The following FBXL12 variants were observed in gnomAD, a reference collection of about 807,000 sequenced individuals.
FBXL12 encodes F-box/LRR-repeat protein 12.
In FBXL12, 22 loss-of-function variants were observed where a neutral mutation model predicts 24.9. The ratio of observed to expected loss-of-function variants is 0.88; its 90% confidence interval spans 0.63 to 1.26. The LOEUF (loss-of-function observed/expected upper bound fraction) is 1.26, where lower values mean the gene tolerates loss of function less well. Among genes scored for constraint, FBXL12 ranks in the 50% most tolerant of loss-of-function variants. The probability of loss-of-function intolerance (pLI) is 0.00; values close to 1 mark genes in which losing one functional copy is unlikely to be tolerated. For missense variants in FBXL12, 384 were observed against 434.1 expected (o/e 0.88, Z 1.03); for synonymous variants, 193 against 193.8 (o/e 1.00, Z 0.03).
Position 9,818,753 on chromosome 19 carries a change from C to G in FBXL12, c.61G>C (p.Val21Leu). The G allele has an allele frequency of 6.4e-7, 1 of 1,552,656 alleles. No individual in the cohort carries two copies. Among genetic ancestry groups the G allele is most frequent in the South Asian group, 1.2e-5 (1 of 84,446 alleles). ...CTGGAGATGCGGATCCGGTCCCGTA[C>G]CGGGAGGTAAGAGAAGATCTCGAGC... The part of the protein sequence containing the change: ...VLLEIFSYLP[V>L]RDRIRISRVC... The change falls in exon 1 of 3, where the codon GTA becomes CTA. Residue 21 changes from valine to leucine, a missense_variant. By Grantham distance (32) the Val-to-Leu change is conservative. Transcript: ENST00000247977.
intron 2 of FBXL12, among the ~76,000 whole-genome samples, chr19:9,812,703 A>T (rs1232587526): frequency 4.6e-5 from 7 of 151,438 alleles, no homozygotes; most frequent in Admixed American, 3.3e-4. Context: ...AGAAATAAGC[A>T]ACACAGAATA....
At position 9,811,399 on chromosome 19, in the gene FBXL12, G is replaced by A. The variant is rs754055333; in HGVS notation, c.478C>T (p.Arg160Cys). ...TGCTCGTCACGGAAGGCGGGGACGCGGTCCAGCACGATGCATTCAAGCAGG... is the reference window on the plus strand; with the variant it reads ...TGCTCGTCACGGAAGGCGGGGACGCAGTCCAGCACGATGCATTCAAGCAGG... ...LPLLECIVLD[R>C]VPAFRDEHLQ... is the part of the protein sequence containing the mutation. Residue 160 changes from arginine (R) to cysteine (C), a missense_variant, in exon 3 of 3, where the codon CGC becomes TGC. Coordinates refer to ENST00000247977, the MANE Select transcript of FBXL12 (RefSeq NM_017703.3). The surrounding 1 kb of genome is among the most constrained non-coding windows in gnomAD (Gnocchi z 6.0). 44 of 1,612,956 alleles carry A rather than the reference G, an allele frequency of 2.7e-5. No homozygotes were observed. Among genetic ancestry groups the A allele is most frequent in the Middle Eastern group, 1.6e-4 (1 of 6,084 alleles).
At chr19:9,813,014 G>A (rs1430315635) in intron 2 of FBXL12, among the ~76,000 whole-genome samples, 2 of 151,956 alleles carry the variant, frequency 1.3e-5, no homozygotes, top group African/African-American at 2.4e-5. Context: ...CAGAGGCTGC[G>A]ATGAGCCAAG....
chr19:9,816,853 G>A (rs546262477), intron 2 of FBXL12, among the ~76,000 whole-genome samples: 1 of 152,190 alleles, frequency 6.6e-6, no homozygotes, highest in Non-Finnish European at 1.5e-5. Context: ...GGAAGAAAAA[G>A]AGGTTTAATT....
At position 9,811,796 on chromosome 19, in the gene FBXL12, C is replaced by A; in HGVS notation, c.160-79G>T. 7.9e-7 allele frequency: 1 copy of A among 1,260,600 alleles called. No homozygotes were observed. The highest frequency in any genetic ancestry group is 1.1e-6 in the Non-Finnish European group (1 of 945,650). The allele number at this position is 1,260,600 out of a possible 1,614,324, so 78.1% of individuals were successfully genotyped here. Reference sequence around the variant, plus strand: ...CCCCTGCTGGGCTGGAGACACACAACCCCGGGGTGGGGGATTCTGGTGCCC... The same window carrying A: ...CCCCTGCTGGGCTGGAGACACACAAACCCGGGGTGGGGGATTCTGGTGCCC... On this transcript the variant is annotated intron_variant, in intron 2 of 2. Transcript: ENST00000247977. The surrounding 1 kb of genome is among the most constrained non-coding windows in gnomAD (Gnocchi z 6.0).
At chr19:9,817,482 A>G (rs1246457888) in intron 2 of FBXL12, among the ~76,000 whole-genome samples, 2 of 152,210 alleles carry the variant, frequency 1.3e-5, no homozygotes, top group Non-Finnish European at 2.9e-5. Flanking sequence ...CACAAAACCA[A>G]TGGACGAATC....
At position 9,818,865 on chromosome 19, in the gene FBXL12, T is replaced by C. The variant is rs1413212991; in HGVS notation, c.-52A>G. The C allele has an allele frequency of 7.4e-6, 11 of 1,491,950 alleles. No individual in the cohort carries two copies. The highest frequency in any genetic ancestry group is 1.2e-5 in the South Asian group (1 of 80,342). 92.4% of individuals were successfully genotyped at this position (1,491,950 alleles called of 1,614,324 possible). On this transcript the variant is annotated 5_prime_UTR_variant, in exon 1 of 3. Transcript: ENST00000247977. ...CCGGTTAAAGAGACCCGAGGGGTCC[T>C]GGGGGCGCCGAGGCGGCTGACAGGG... is the stretch of plus-strand genomic sequence containing the variant.
In FBXL12 at chr19:9,811,038, G is replaced by C; in HGVS notation, c.839C>G (p.Thr280Ser). 1 of 1,613,574 alleles carries C rather than the reference G, an allele frequency of 6.2e-7. No homozygotes were observed. The highest frequency in any genetic ancestry group is 8.5e-7 in the Non-Finnish European group (1 of 1,179,708). Residue 280 changes from threonine (T) to serine (S), a missense_variant, in exon 3 of 3, where the codon ACT (threonine) becomes AGT (serine). Transcript: ENST00000247977. This position sits in a 1 kb window ranked among gnomAD's most constrained non-coding sequence, Gnocchi z 6.0. The part of the protein sequence containing the change: ...SPTEILSSCL[T>S]MPKLRVLELQ... ...CTCAAGGACTCTGAGCTTGGGCATA[G>C]TGAGGCAGGAGGAGAGGATTTCAGT...
intron 2 of FBXL12, chr19:9,813,315 T>C (rs1388596881): frequency 8.8e-7 from 1 of 1,138,118 alleles, no homozygotes; most frequent in African/African-American, 1.6e-5. Flanking sequence ...ATATTCTTTA[T>C]GTGTGCTTAC....
In FBXL12 at chr19:9,810,711, T is replaced by A. The variant is rs1371393630; in HGVS notation, c.*185A>T. 1 of 484,068 alleles carries A rather than the reference T, an allele frequency of 2.1e-6. No homozygotes were observed. Among genetic ancestry groups the A allele is most frequent in the Non-Finnish European group, 3.7e-6 (1 of 272,144 alleles). 30.0% of individuals were successfully genotyped at this position (484,068 alleles called of 1,614,324 possible). A position where few individuals can be genotyped will look rare whatever the true frequency, so the allele number is the denominator to read the frequency against. ...CTAGGCTTCCCAGAGGCTGATGATA[T>A]GACCAAGGCCACACAGCTGGCAAAC... On this transcript the variant is annotated 3_prime_UTR_variant, in exon 3 of 3. Coordinates refer to ENST00000247977, the MANE Select transcript of FBXL12 (RefSeq NM_017703.3).
At chr19:9,813,071 CAA>C (rs879773410) in intron 2 of FBXL12, among the ~76,000 whole-genome samples, 1 of 143,856 alleles carries the variant, frequency 7.0e-6, no homozygotes. Context: ...AACTCCATGT[CAA>C]AAAAAAAAAT....
rs1020718974 is a variant in FBXL12 at position 9,818,348 on chromosome 19, C to T, written c.159+197G>A. The T allele has an allele frequency of 9.8e-5, 60 of 613,824 alleles. 1 individual carries two copies. The East Asian group carries it at 1.6e-3, about 17-fold the overall frequency. 38.0% of individuals were successfully genotyped at this position (613,824 alleles called of 1,614,324 possible). ...GTGAGGCAGGTACTGTCCTTTATCC[C>T]CATTGCAGGGATGAGGAAATTGAGG... On this transcript the variant is annotated intron_variant, in intron 2 of 2. Transcript: ENST00000247977.
rs144314901 is a variant in FBXL12, at chr19:9,814,973, T to G, written c.160-3256A>C. Among the ~76,000 whole-genome samples, 109 of 152,182 alleles carry G rather than the reference T, an allele frequency of 7.2e-4. 3 individuals are homozygous for G. The East Asian group carries it at 0.018, about 25-fold the overall frequency. Reference sequence around the variant, plus strand: ...TCATGTCTTCACATTTCACAACCAATCATGGCTTCCCAACAGTCTTCCAAA... The same window carrying G: ...TCATGTCTTCACATTTCACAACCAAGCATGGCTTCCCAACAGTCTTCCAAA... On this transcript the variant is annotated intron_variant, in intron 2 of 2. Transcript: ENST00000247977.
At chr19:9,818,304 G>A in intron 2 of FBXL12, 1 of 567,934 alleles carries the variant, frequency 1.8e-6, no homozygotes, top group Non-Finnish European at 3.1e-6. Context: ...TGATCTCAGT[G>A]AAGTCCCATA....
chr19:9,817,496 T>A (rs1267364415), intron 2 of FBXL12, among the ~76,000 whole-genome samples: 11 of 152,160 alleles, frequency 7.2e-5, no homozygotes, highest in Admixed American at 7.2e-4. Context: ...ACGAATCAAC[T>A]TTTCCTCGCA....
rs557332963 is a variant in FBXL12, at chr19:9,810,560, G to A, written c.*336C>T. 31 of 215,952 alleles carry A rather than the reference G, an allele frequency of 1.4e-4. No individual in the cohort carries two copies. In the South Asian group the frequency reaches 2.9e-3, roughly 20 times the overall value. 13.4% of individuals were successfully genotyped at this position (215,952 alleles called of 1,614,324 possible). On this transcript the variant is annotated 3_prime_UTR_variant, in exon 3 of 3. Coordinates refer to ENST00000247977, the MANE Select transcript of FBXL12 (RefSeq NM_017703.3). ...ACCCCACCCCTTCTTCATCCGTCCT[G>A]TTCCTGAAGACGACCATGAAGGTGA...
intron 2 of FBXL12, among the ~76,000 whole-genome samples, chr19:9,816,853 G>C (rs546262477): frequency 6.6e-6 from 1 of 152,190 alleles, no homozygotes; most frequent in Admixed American, 6.6e-5. Context: ...GGAAGAAAAA[G>C]AGGTTTAATT....
chr19:9,818,258 A>T, intron 2 of FBXL12: 1 of 442,896 alleles, frequency 2.3e-6, no homozygotes, highest in Non-Finnish European at 4.0e-6. Flanking sequence ...TCGAATGATA[A>T]ATATGTGCCA....
At chr19:9,813,665 CTA>C (rs897288430) in intron 2 of FBXL12, among the ~76,000 whole-genome samples, 1 of 151,994 alleles carries the variant, frequency 6.6e-6, no homozygotes, top group Non-Finnish European at 1.5e-5. Context: ...CCATGCCCGG[CTA>C]TGTTTTTTTT....
Sources: allele counts gnomAD v4.1 joint callset (sites outside exome capture counted in the v4.1 genomes callset), GRCh38; gene constraint gnomAD v4.1.1; non-coding constraint Gnocchi (gnomAD v3.1); transcripts MANE v1.5; gene names NCBI Gene and HGNC (gene_info 2026-07-23, HGNC 2026-07-21).